RELL1: variants seen among roughly 807,000 people sequenced by gnomAD.
RELL1 encodes the protein RELT like 1.
Under a neutral mutation model 23.0 loss-of-function variants are expected in RELL1, and 10 were observed. The ratio of observed to expected loss-of-function variants is 0.43; its 90% CI spans 0.27 to 0.74. The LOEUF is 0.74. RELL1 is among the 30% of genes least tolerant of loss of function. The probability of loss-of-function intolerance (pLI) is 0.19; values close to 1 mark genes in which losing one functional copy is unlikely to be tolerated. For missense variants in RELL1, 315 were observed against 364.4 expected (o/e 0.86, Z 1.10); for synonymous variants, 146 against 146.8 (o/e 0.99, Z 0.04).
At position 37,678,735 on chromosome 4, in the gene RELL1, C is replaced by G. The variant is rs148945489; in HGVS notation, c.88+7465G>C. On this transcript the variant is annotated intron_variant, in intron 1 of 6. Coordinates refer to ENST00000454158, the MANE Select transcript of RELL1 (RefSeq NM_001085400.2). The stretch of plus-strand genomic sequence containing the variant: ...CATCACTTACTGTGTGCCAAGCACT[C>G]ACTAGTTTTATCTTACATAACTGAC... Among the ~76,000 whole-genome samples the G allele has an allele frequency of 4.4e-3, 665 of 152,310 alleles. 23 individuals carry two copies. The highest frequency in any genetic ancestry group is 0.04 in the Admixed American group (610 of 15,300).
chr4:37,634,316 G>A lies in RELL1; in HGVS notation c.680+571C>T, dbSNP rs373798289. 1.1e-4 allele frequency among the ~76,000 whole-genome samples: 16 copies of A among 152,354 alleles called. No individual in the cohort carries two copies. The South Asian group carries it at 2.5e-3, about 24-fold the overall frequency. On this transcript the variant is annotated intron_variant, in intron 5 of 6. Transcript: ENST00000454158. ...CTGGAGGGCTGTGGACCAGATCCAC[G>A]TCTTCTCCCTTCCCTTGCACATGGC...
intron 6 of RELL1, among the ~76,000 whole-genome samples, chr4:37,626,393 G>A (rs893640176): frequency 6.6e-6 from 1 of 152,150 alleles, no homozygotes; most frequent in African/African-American, 2.4e-5. Context: ...CAGGAGAATC[G>A]TCTGAACCCG....
At position 37,622,963 on chromosome 4, in the gene RELL1, C is replaced by T. The variant is rs566911621; in HGVS notation, c.*3+8422G>A. On this transcript the variant is annotated intron_variant, in intron 6 of 6. Transcript: ENST00000454158. ...GGGACTACAGGTGCCCGCCACCATG[C>T]CTACCTAATTTTTGTATTTTTAGTA... 27 of 378,710 alleles carry T rather than the reference C, an allele frequency of 7.1e-5. No individual in the cohort carries two copies. The Admixed American group carries it at 9.4e-4, about 13-fold the overall frequency. 23.5% of individuals were successfully genotyped at this position (378,710 alleles called of 1,614,324 possible). A position where few individuals can be genotyped will look rare whatever the true frequency, so the allele number is the denominator to read the frequency against.
rs1720810101 is a variant in RELL1, at chr4:37,649,308, T to G, written c.281A>C (p.Gln94Pro). Reference sequence around the variant, plus strand: ...TTCAACCTTTTCCTCTTCGATATCTTGCTCTGCTTCTGTTGTACAACGATA... The same window carrying G: ...TTCAACCTTTTCCTCTTCGATATCTGGCTCTGCTTCTGTTGTACAACGATA... The part of the protein sequence containing the change: ...KGYRCTTEAE[Q>P]DIEEEKVEKI... Residue 94 changes from glutamine (Q) to proline (P), a missense_variant, in exon 2 of 7, where the codon CAA (glutamine) becomes CCA (proline). Transcript: ENST00000454158. 2 of 1,614,262 alleles carry G rather than the reference T, an allele frequency of 1.2e-6. No homozygotes were observed. Among genetic ancestry groups the G allele is most frequent in the African/African-American group, 2.7e-5 (2 of 75,078 alleles).
intron 1 of RELL1, among the ~76,000 whole-genome samples, chr4:37,654,325 C>T (rs1034514010): frequency 6.6e-6 from 1 of 152,146 alleles, no homozygotes; most frequent in Non-Finnish European, 1.5e-5. Flanking sequence ...ACTGGACGGC[C>T]CAGATAATGA....
rs1460672137 is a variant in RELL1 at position 37,612,965 on chromosome 4, C to T, written c.*381G>A. 6.6e-6 allele frequency: 1 copy of T among 152,208 alleles called. No individual in the cohort carries two copies. The highest frequency in any genetic ancestry group is 1.9e-4 in the East Asian group (1 of 5,194). 9.4% of individuals were successfully genotyped at this position (152,208 alleles called of 1,614,324 possible). On this transcript the variant is annotated 3_prime_UTR_variant, in exon 7 of 7. Transcript: ENST00000454158. ...GCACACATGCATACACATATACACA[C>T]ACACCCCTGAGCATAAGCTCAGACT...
chr4:37,669,039 C>A (rs866915539), intron 1 of RELL1, among the ~76,000 whole-genome samples: 1 of 137,108 alleles, frequency 7.3e-6, no homozygotes, highest in African/African-American at 3.2e-5. Flanking sequence ...CCAGCCGCCC[C>A]GTCCGGGAGG....
At chr4:37,630,027 G>A (rs903706109) in intron 6 of RELL1, among the ~76,000 whole-genome samples, 8 of 152,156 alleles carry the variant, frequency 5.3e-5, no homozygotes, top group Admixed American at 4.6e-4. Context: ...AGGTCCCAGG[G>A]TTAGTGAGTG....
chr4:37,609,666 TC>T (rs1430233459), downstream of RELL1, among the ~76,000 whole-genome samples: 2 of 151,958 alleles, frequency 1.3e-5, no homozygotes, highest in African/African-American at 4.8e-5. Context: ...TTAACAGGAG[TC>T]TGGAAGTTGA....
At chr4:37,668,677 A>C (rs1344698872) in intron 1 of RELL1, among the ~76,000 whole-genome samples, 1 of 140,292 alleles carries the variant, frequency 7.1e-6, no homozygotes, top group African/African-American at 2.7e-5. Context: ...CTGGCCGCCC[A>C]TCGTCTGGGA....
chr4:37,636,320 G>A (rs945781921), intron 4 of RELL1, among the ~76,000 whole-genome samples: 1 of 152,144 alleles, frequency 6.6e-6, no homozygotes, highest in South Asian at 2.1e-4. Flanking sequence ...ATATGGCCAG[G>A]CGTGGTGGCT....
intron 6 of RELL1, chr4:37,591,604 G>A (rs564647236): frequency 6.6e-6 from 1 of 152,276 alleles, no homozygotes; most frequent in East Asian, 1.9e-4. Flanking sequence ...GAAACAAAGG[G>A]TTAGTCATTA....
chr4:37,606,755 G>A (rs1318879231), downstream of RELL1, among the ~76,000 whole-genome samples: 1 of 152,154 alleles, frequency 6.6e-6, no homozygotes, highest in East Asian at 1.9e-4. The surrounding 1 kb of genome is among the most constrained non-coding windows in gnomAD (Gnocchi z 4.1). Flanking sequence ...CCCAGGTTTT[G>A]GTAATTTGTT....
Position 37,660,488 on chromosome 4 carries a change from C to T in RELL1, c.89-10988G>A, listed in dbSNP as rs530052650. 2.6e-5 allele frequency among the ~76,000 whole-genome samples: 4 copies of T among 152,312 alleles called. No homozygotes were observed. The South Asian group carries it at 8.3e-4, about 32-fold the overall frequency. ...AACTCCTTTGACAGCAACATCAAAT[C>T]TGACAAATTCATCTGGTAGCAAACC... is the stretch of plus-strand genomic sequence containing the variant. On this transcript the variant is annotated intron_variant, in intron 1 of 6. Transcript: ENST00000454158.
chr4:37,640,491 T>C (rs73807870), intron 3 of RELL1, among the ~76,000 whole-genome samples: 1,978 of 152,372 alleles, frequency 0.013, 47 homozygotes, highest in African/African-American at 0.046. Context: ...TTGTATTTTA[T>C]TGTATACAAA....
At chr4:37,661,428 C>T (rs1246441908) in intron 1 of RELL1, among the ~76,000 whole-genome samples, 2 of 152,080 alleles carry the variant, frequency 1.3e-5, no homozygotes, top group African/African-American at 4.8e-5. Flanking sequence ...TACAGGCGCA[C>T]GCTGCCACAC....
chr4:37,663,074 A>G (rs1466463138), intron 1 of RELL1, among the ~76,000 whole-genome samples: 1 of 152,114 alleles, frequency 6.6e-6, no homozygotes, highest in African/African-American at 2.4e-5. Context: ...TGCACACATC[A>G]GTGGGGTCCT....
downstream of RELL1, chr4:37,590,163 C>G (rs148457977): frequency 7.4e-6 from 12 of 1,614,086 alleles, no homozygotes; most frequent in African/African-American, 9.3e-5. Flanking sequence ...TAGATGAAGA[C>G]GACACTGATA....
At chr4:37,664,422 A>T (rs1449650012) in intron 1 of RELL1, among the ~76,000 whole-genome samples, 2 of 152,064 alleles carry the variant, frequency 1.3e-5, no homozygotes, top group East Asian at 3.9e-4. Context: ...TCCCTCTATA[A>T]CTATCATAAA....
Sources: allele counts gnomAD v4.1 joint callset (sites outside exome capture counted in the v4.1 genomes callset), GRCh38; gene constraint gnomAD v4.1.1; non-coding constraint Gnocchi (gnomAD v3.1); transcripts MANE v1.5; gene names NCBI Gene and HGNC (gene_info 2026-07-23, HGNC 2026-07-21).